MLNR: variants seen among roughly 807,000 people sequenced by gnomAD.
MLNR encodes the protein G protein-coupled receptor 38.
MLNR carries 16 observed loss-of-function variants against 20.0 expected under a neutral mutation model. The ratio of observed to expected loss-of-function variants is 0.80; its 90% confidence interval spans 0.54 to 1.22. The LOEUF is 1.22. Among genes scored for constraint, MLNR ranks in the 50% most tolerant of loss-of-function variants. MLNR has a pLI of 0.00. For synonymous variants in MLNR, 302 were observed against 287.2 expected, an observed-to-expected ratio of 1.05 and a Z score of -0.52; for missense variants, 630 against 592.3, an observed-to-expected ratio of 1.06 and a Z score of -0.66.
chr13:49,220,951 C>T lies in MLNR; in HGVS notation c.614C>T (p.Ser205Leu). The change falls in exon 1 of 2, where the codon TCG becomes TTG. Residue 205 changes from serine to leucine, a missense_variant. Physicochemically the swap from Ser to Leu is moderately radical, Grantham distance 145. Transcript: ENST00000218721. The surrounding 1 kb of genome is among the most constrained non-coding windows in gnomAD (Gnocchi z 4.4). The stretch of plus-strand genomic sequence containing the variant: ...ATCGCCTCCTCGCCTCTCGCCTCGT[C>T]GCCGCCTCTCTGGCTCTCGCGGGCG... ...ARIASSPLAS[S>L]PPLWLSRAPP... 1 of 1,509,242 alleles carries T rather than the reference C, an allele frequency of 6.6e-7. No individual in the cohort carries two copies. The highest frequency in any genetic ancestry group is 8.8e-7 in the Non-Finnish European group (1 of 1,132,168). The allele number at this position is 1,509,242 out of a possible 1,614,324, so 93.5% of individuals were successfully genotyped here. A position where few individuals can be genotyped will look rare whatever the true frequency, so the allele number is the denominator to read the frequency against.
chr13:49,222,003 G>A, intron 1 of MLNR, 37 bp from the exon 2 acceptor site: 1 of 1,573,836 alleles, frequency 6.4e-7, no homozygotes. Flanking sequence ...GCTTCCCAAT[G>A]CTTTTGTTAA....
chr13:49,220,743 C>T lies in MLNR; in HGVS notation c.406C>T (p.Arg136Cys). 1 of 1,576,824 alleles carries T rather than the reference C, an allele frequency of 6.3e-7. No homozygotes were observed. The highest frequency in any genetic ancestry group is 8.6e-7 in the Non-Finnish European group (1 of 1,162,730). Residue 136 changes from arginine (R) to cysteine (C), a missense_variant, in exon 1 of 2, where the codon CGC (arginine) becomes TGC (cysteine). Coordinates refer to ENST00000218721, the MANE Select transcript of MLNR (RefSeq NM_001507.1). This position sits in a 1 kb window ranked among gnomAD's most constrained non-coding sequence, Gnocchi z 4.4. Reference protein sequence around the residue: ...LLHMTALSVERYLAICRPLRA... With the variant: ...LLHMTALSVECYLAICRPLRA... ...GCACATGACCGCGCTCAGCGTCGAG[C>T]GCTACCTGGCCATCTGCCGCCCGCT...
Position 49,220,870 on chromosome 13 carries a change from G to C in MLNR, c.533G>C (p.Gly178Ala), listed in dbSNP as rs1393004000. 1.9e-6 allele frequency: 3 copies of C among 1,572,764 alleles called. No homozygotes were observed. Among genetic ancestry groups the C allele is most frequent in the Non-Finnish European group, 2.6e-6 (3 of 1,161,660 alleles). ...LSAGPFLFLV[G>A]VEQDPGISVV... ...GCCGGTCCCTTCTTGTTCCTGGTGGGCGTCGAGCAGGACCCCGGCATCTCC... is the reference window on the plus strand; with the variant it reads ...GCCGGTCCCTTCTTGTTCCTGGTGGCCGTCGAGCAGGACCCCGGCATCTCC... The change falls in exon 1 of 2, where the codon GGC (glycine) becomes GCC (alanine). Residue 178 changes from glycine (G) to alanine (A), a missense_variant. By Grantham distance (60) the Gly-to-Ala change is moderately conservative. Transcript: ENST00000218721. The surrounding 1 kb of genome is among the most constrained non-coding windows in gnomAD (Gnocchi z 4.4).
Position 49,220,885 on chromosome 13 carries a change from C to A in MLNR, c.548C>A (p.Pro183His), listed in dbSNP as rs1174590687. 2 of 1,566,624 alleles carry A rather than the reference C, an allele frequency of 1.3e-6. No individual in the cohort carries two copies. ...TTCCTGGTGGGCGTCGAGCAGGACC[C>A]CGGCATCTCCGTAGTCCCGGGCCTC... ...FLFLVGVEQD[P>H]GISVVPGLNG... The change falls in exon 1 of 2, where the codon CCC becomes CAC. Residue 183 changes from proline (P) to histidine (H), a missense_variant. Transcript: ENST00000218721. The surrounding 1 kb of genome is among the most constrained non-coding windows in gnomAD (Gnocchi z 4.4).
rs1349516506 is a variant in MLNR at position 49,221,169 on chromosome 13, C to G, written c.832C>G (p.Arg278Gly). The G allele has an allele frequency of 1.9e-6, 3 of 1,587,328 alleles. No individual in the cohort carries two copies. The highest frequency in any genetic ancestry group is 2.7e-5 in the African/African-American group (2 of 73,606). ...GLIGRELWSS[R>G]RPLRGPAASG... ...CATCGGGCGGGAGCTGTGGAGCAGC[C>G]GGCGGCCGCTGCGAGGCCCGGCCGC... Residue 278 changes from arginine (R) to glycine (G), a missense_variant, in exon 1 of 2, where the codon CGG becomes GGG. Transcript: ENST00000218721.
At chr13:49,221,932 A>T in intron 1 of MLNR, 108 bp from the exon 2 acceptor site, 1 of 1,013,948 alleles carries the variant, frequency 9.9e-7, no homozygotes, top group Non-Finnish European at 1.5e-6. Flanking sequence ...AGTTTTCTCT[A>T]ATTTATTTTG....
At chr13:49,221,285 C>T (rs770815315) in intron 1 of MLNR, 47 bp downstream of exon 1, 2 of 1,530,130 alleles carry the variant, frequency 1.3e-6, no homozygotes, top group Admixed American at 3.9e-5. Context: ...TGCAGTCCGC[C>T]CCGCCGGGGA....
Position 49,220,470 on chromosome 13 carries a change from T to C in MLNR, c.133T>C (p.Cys45Arg). ...LGALVPVTAV[C>R]LCLFVVGVSG... The stretch of plus-strand genomic sequence containing the variant: ...GGCGCTGGTGCCGGTGACCGCTGTG[T>C]GCCTGTGCCTGTTCGTCGTCGGGGT... The change falls in exon 1 of 2, where the codon TGC (cysteine) becomes CGC (arginine). Residue 45 changes from cysteine (C) to arginine (R), a missense_variant. By Grantham distance (180) the Cys-to-Arg change is radical. Coordinates refer to ENST00000218721, the MANE Select transcript of MLNR (RefSeq NM_001507.1). The surrounding 1 kb of genome is among the most constrained non-coding windows in gnomAD (Gnocchi z 4.4). The C allele has an allele frequency of 6.3e-7, 1 of 1,577,424 alleles. No homozygotes were observed.
chr13:49,220,399 C>T lies in MLNR; in HGVS notation c.62C>T (p.Ala21Val). The change falls in exon 1 of 2, where the codon GCG becomes GTG. Residue 21 changes from alanine to valine, a missense_variant. Ala to Val is a moderately conservative substitution (Grantham distance 64, BLOSUM62 0). Coordinates refer to ENST00000218721, the MANE Select transcript of MLNR (RefSeq NM_001507.1). This position sits in a 1 kb window ranked among gnomAD's most constrained non-coding sequence, Gnocchi z 4.4. ...GGGGCGCGGGAGCCGCCGTGGCCCG[C>T]GCTGCCGCCTTGCGACGAGCGCCGC... ...PEGAREPPWPALPPCDERRCS... is the reference protein window; with the variant it reads ...PEGAREPPWPVLPPCDERRCS... The T allele has an allele frequency of 2.0e-6, 3 of 1,510,386 alleles. No individual in the cohort carries two copies. Among genetic ancestry groups the T allele is most frequent in the Non-Finnish European group, 2.6e-6 (3 of 1,135,346 alleles). 93.6% of individuals were successfully genotyped at this position (1,510,386 alleles called of 1,614,324 possible).
In MLNR at chr13:49,222,068, C is replaced by T. The variant is rs760881659; in HGVS notation, c.930C>T (p.Cys310=). 1.9e-6 allele frequency: 3 copies of T among 1,613,868 alleles called. No individual in the cohort carries two copies. The highest frequency in any genetic ancestry group is 2.2e-5 in the South Asian group (2 of 91,082). ...TGGTGGTTCTGGCATTTATAATTTGCTGGTTGCCCTTCCACGTTGGCAGAA... is the reference window on the plus strand; with the variant it reads ...TGGTGGTTCTGGCATTTATAATTTGTTGGTTGCCCTTCCACGTTGGCAGAA... ...LLVVVLAFII[C]WLPFHVGRII... is the part of the protein sequence containing the mutation. The change falls in exon 2 of 2, where the codon TGC becomes TGT. Residue 310 remains cysteine (C), a synonymous_variant. Transcript: ENST00000218721.
At position 49,220,967 on chromosome 13, in the gene MLNR, C is replaced by T; in HGVS notation, c.630C>T (p.Leu210=). 6.7e-7 allele frequency: 1 copy of T among 1,495,696 alleles called. No individual in the cohort carries two copies. The highest frequency in any genetic ancestry group is 8.9e-7 in the Non-Finnish European group (1 of 1,127,538). The allele number at this position is 1,495,696 out of a possible 1,614,324, so 92.7% of individuals were successfully genotyped here. A position where few individuals can be genotyped will look rare whatever the true frequency, so the allele number is the denominator to read the frequency against. Residue 210 remains leucine, a synonymous_variant, in exon 1 of 2, where the codon CTC becomes CTT. Transcript: ENST00000218721. This position sits in a 1 kb window ranked among gnomAD's most constrained non-coding sequence, Gnocchi z 4.4. ...SPLASSPPLW[L]SRAPPPSPPS... ...TCGCCTCGTCGCCGCCTCTCTGGCT[C>T]TCGCGGGCGCCACCGCCGTCCCCGC... is the stretch of plus-strand genomic sequence containing the variant.
Position 49,221,196 on chromosome 13 carries a change from T to G in MLNR, c.859T>G (p.Ser287Ala), listed in dbSNP as rs200170117. The G allele has an allele frequency of 2.3e-4, 369 of 1,586,224 alleles. No individual in the cohort carries two copies. The highest frequency in any genetic ancestry group is 2.7e-4 in the Non-Finnish European group (322 of 1,174,710). ...GCGGCCGCTGCGAGGCCCGGCCGCC[T>G]CGGGGCGGGAGAGAGGCCACCGGCA... is the stretch of plus-strand genomic sequence containing the variant. ...SRRPLRGPAA[S>A]GRERGHRQTV... is the part of the protein sequence containing the mutation. The change falls in exon 1 of 2, where the codon TCG (serine) becomes GCG (alanine). Residue 287 changes from serine to alanine, a missense_variant. By Grantham distance (99) the Ser-to-Ala change is moderately conservative (BLOSUM62 1). Coordinates refer to ENST00000218721, the MANE Select transcript of MLNR (RefSeq NM_001507.1).
rs2138168949 is a variant in MLNR at position 49,220,466 on chromosome 13, T to C, written c.129T>C (p.Ala43=). 5.1e-6 allele frequency: 8 copies of C among 1,573,996 alleles called. 1 individual carries two copies. The South Asian group carries it at 8.1e-5, about 16-fold the overall frequency. The change falls in exon 1 of 2, where the codon GCT becomes GCC. Residue 43 remains alanine, a synonymous_variant. Coordinates refer to ENST00000218721, the MANE Select transcript of MLNR (RefSeq NM_001507.1). The surrounding 1 kb of genome is among the most constrained non-coding windows in gnomAD (Gnocchi z 4.4). ...FPLGALVPVT[A]VCLCLFVVGV... The stretch of plus-strand genomic sequence containing the variant: ...TGGGGGCGCTGGTGCCGGTGACCGC[T>C]GTGTGCCTGTGCCTGTTCGTCGTCG...
rs1262706058 is a variant in MLNR, at chr13:49,221,056, C to A, written c.719C>A (p.Ala240Glu). Residue 240 changes from alanine to glutamate, a missense_variant, in exon 1 of 2, where the codon GCG becomes GAG. Physicochemically the swap from Ala to Glu is moderately radical, Grantham distance 107. Coordinates refer to ENST00000218721, the MANE Select transcript of MLNR (RefSeq NM_001507.1). ...AGCCGCGAATGCCGGCCGAGCCCCG[C>A]GCAGCTGGGCGCGCTGCGTGTCATG... is the stretch of plus-strand genomic sequence containing the variant. ...LFSRECRPSP[A>E]QLGALRVMLW... 1.3e-6 allele frequency: 2 copies of A among 1,574,282 alleles called. No individual in the cohort carries two copies. Among genetic ancestry groups the A allele is most frequent in the South Asian group, 1.1e-5 (1 of 88,354 alleles).
chr13:49,220,719 C>A lies in MLNR; in HGVS notation c.382C>A (p.His128Asn). ...GEGCTYATLL[H>N]MTALSVERYL... ...GGGCTGCACCTACGCCACGCTGCTGCACATGACCGCGCTCAGCGTCGAGCG... is the reference window on the plus strand; with the variant it reads ...GGGCTGCACCTACGCCACGCTGCTGAACATGACCGCGCTCAGCGTCGAGCG... Residue 128 changes from histidine (H) to asparagine (N), a missense_variant, in exon 1 of 2, where the codon CAC becomes AAC. By Grantham distance (68) the His-to-Asn change is moderately conservative (BLOSUM62 1). Transcript: ENST00000218721. The surrounding 1 kb of genome is among the most constrained non-coding windows in gnomAD (Gnocchi z 4.4). 6.3e-7 allele frequency: 1 copy of A among 1,589,774 alleles called. No individual in the cohort carries two copies. The highest frequency in any genetic ancestry group is 2.3e-5 in the East Asian group (1 of 43,154).
chr13:49,220,418 G>A lies in MLNR; in HGVS notation c.81G>A (p.Glu27=), dbSNP rs759476271. The A allele has an allele frequency of 6.5e-6, 10 of 1,529,234 alleles. No individual in the cohort carries two copies. Among genetic ancestry groups the A allele is most frequent in the Admixed American group, 2.0e-5 (1 of 50,412 alleles). 94.7% of individuals were successfully genotyped at this position (1,529,234 alleles called of 1,614,324 possible). ...PPWPALPPCD[E]RRCSPFPLGA... ...GGCCCGCGCTGCCGCCTTGCGACGAGCGCCGCTGCTCGCCCTTTCCCCTGG... is the reference window on the plus strand; with the variant it reads ...GGCCCGCGCTGCCGCCTTGCGACGAACGCCGCTGCTCGCCCTTTCCCCTGG... Residue 27 remains glutamate, a synonymous_variant, in exon 1 of 2, where the codon GAG becomes GAA. Transcript: ENST00000218721. This position sits in a 1 kb window ranked among gnomAD's most constrained non-coding sequence, Gnocchi z 4.4.
At chr13:49,221,978 G>A (rs1887018275) in intron 1 of MLNR, 62 bp from the exon 2 acceptor site, 3 of 1,431,968 alleles carry the variant, frequency 2.1e-6, no homozygotes, top group Admixed American at 1.9e-5. Flanking sequence ...CCTTGTCGGG[G>A]TGGGGGGTTT....
Position 49,220,949 on chromosome 13 carries a change from G to T in MLNR, c.612G>T (p.Ser204=). The change falls in exon 1 of 2, where the codon TCG becomes TCT. Residue 204 remains serine, a synonymous_variant. Transcript: ENST00000218721. This position sits in a 1 kb window ranked among gnomAD's most constrained non-coding sequence, Gnocchi z 4.4. ...GGATCGCCTCCTCGCCTCTCGCCTC[G>T]TCGCCGCCTCTCTGGCTCTCGCGGG... ...TARIASSPLA[S]SPPLWLSRAP... is the part of the protein sequence containing the mutation. 1 of 1,510,496 alleles carries T rather than the reference G, an allele frequency of 6.6e-7. No homozygotes were observed. Among genetic ancestry groups the T allele is most frequent in the Non-Finnish European group, 8.8e-7 (1 of 1,132,592 alleles). 93.6% of individuals were successfully genotyped at this position (1,510,496 alleles called of 1,614,324 possible).
chr13:49,220,688 G>C lies in MLNR; in HGVS notation c.351G>C (p.Val117=). The C allele has an allele frequency of 6.2e-7, 1 of 1,601,556 alleles. No individual in the cohort carries two copies. The highest frequency in any genetic ancestry group is 8.5e-7 in the Non-Finnish European group (1 of 1,175,288). ...TGCTCTGCCGCCTGTCCCTCTACGT[G>C]GGCGAGGGCTGCACCTACGCCACGC... ...GPLLCRLSLY[V]GEGCTYATLL... The change falls in exon 1 of 2, where the codon GTG becomes GTC. Residue 117 remains valine (V), a synonymous_variant. Transcript: ENST00000218721. The surrounding 1 kb of genome is among the most constrained non-coding windows in gnomAD (Gnocchi z 4.4).
Sources: gnomAD v4.1 joint callset for allele counts on GRCh38, gnomAD v4.1.1 for gene constraint, Gnocchi (gnomAD v3.1) non-coding constraint, MANE v1.5 for transcripts, NCBI Gene and HGNC (gene_info 2026-07-23, HGNC 2026-07-21) for gene names.